Variants in ANAPC7 observed in about 807,000 individuals in gnomAD.
The protein encoded by ANAPC7 is anaphase-promoting complex subunit 7.
In ANAPC7, 25 loss-of-function variants were observed where a neutral mutation model predicts 63.3. The ratio of observed to expected loss-of-function variants is 0.39; its 90% CI spans 0.29 to 0.55. ANAPC7 has a LOEUF of 0.55. ANAPC7 is among the 20% of genes least tolerant of loss of function. The pLI, the probability that ANAPC7 is intolerant of heterozygous loss-of-function variation, is 0.57. For synonymous variants in ANAPC7, 241 were observed against 251.7 expected (o/e 0.96, Z 0.40); for missense variants, 516 against 691.7 (o/e 0.75, Z 2.85).
chr12:110,394,401 C>CG (rs1189186155), intron 3 of ANAPC7, among the ~76,000 whole-genome samples: 4 of 151,198 alleles, frequency 2.6e-5, no homozygotes, highest in African/African-American at 4.9e-5. Context: ...CCGAGGTGGG[C>CG]GGATCACCTG....
At chr12:110,397,480 G>C (rs1202435548) in intron 1 of ANAPC7, among the ~76,000 whole-genome samples, 2 of 150,892 alleles carry the variant, frequency 1.3e-5, no homozygotes, top group African/African-American at 4.9e-5. Context: ...TTTAACCTAG[G>C]AGGTGGAGGT....
At chr12:110,384,763 G>T (rs1050798380) in intron 6 of ANAPC7, among the ~76,000 whole-genome samples, 1 of 152,068 alleles carries the variant, frequency 6.6e-6, no homozygotes, top group Non-Finnish European at 1.5e-5. Context: ...CTATTTTCAG[G>T]AAGTGCTTGT....
At chr12:110,402,263 G>A (rs2062241823) in intron 1 of ANAPC7, among the ~76,000 whole-genome samples, 1 of 152,092 alleles carries the variant, frequency 6.6e-6, no homozygotes, top group Non-Finnish European at 1.5e-5. Flanking sequence ...AGATGAAGTC[G>A]CAGAGAGTGG....
chr12:110,396,618 C>G, intron 1 of ANAPC7, 166 bp from the exon 2 acceptor site: 1 of 496,336 alleles, frequency 2.0e-6, no homozygotes, highest in Non-Finnish European at 3.5e-6. Context: ...TCAAGTGATT[C>G]TCCTTCCTCA....
chr12:110,401,099 G>GGCA (rs572547468), intron 1 of ANAPC7, among the ~76,000 whole-genome samples: 26 of 152,106 alleles, frequency 1.7e-4, no homozygotes, highest in African/African-American at 6.0e-4. Flanking sequence ...AAATCCAATG[G>GGCA]GCAGCAGCAG....
At chr12:110,385,363 C>G (rs986488531) in intron 6 of ANAPC7, among the ~76,000 whole-genome samples, 12 of 152,224 alleles carry the variant, frequency 7.9e-5, no homozygotes, top group African/African-American at 2.9e-4. Context: ...TTACCCATCT[C>G]TTGCCACCAT....
chr12:110,403,381 C>T (rs148387490), intron 1 of ANAPC7, 146 bp downstream of exon 1: 2 of 848,270 alleles, frequency 2.4e-6, no homozygotes, highest in African/African-American at 1.7e-5. Flanking sequence ...AAGTCTGCTC[C>T]GCTCCAGGAC....
At chr12:110,379,394 C>G (rs778912289) in intron 8 of ANAPC7, among the ~76,000 whole-genome samples, 2 of 152,216 alleles carry the variant, frequency 1.3e-5, no homozygotes, top group African/African-American at 2.4e-5. Flanking sequence ...CAAATGGCAG[C>G]TTAAGAAGCC....
chr12:110,394,079 G>C (rs1883343801), intron 3 of ANAPC7, among the ~76,000 whole-genome samples: 1 of 151,574 alleles, frequency 6.6e-6, no homozygotes, highest in South Asian at 2.1e-4. Flanking sequence ...AGGAGGCTGA[G>C]GCAGGAGAAT....
In ANAPC7 at chr12:110,388,601, AG is replaced by A. The variant is rs1165316781; in HGVS notation, c.430del (p.Leu144CysfsTer19). Reference protein sequence around the residue: ...TPKINMMLANLYKKAGQERPS... With the variant: ...TPKINMMLANXYKKAGQERPS... ...GCGCTCCTGACCAGCCTTCTTGTACAGGTTTGCCAGCATCATGTTTATCTGT... is the reference window on the plus strand; with the variant it reads ...GCGCTCCTGACCAGCCTTCTTGTACAGTTTGCCAGCATCATGTTTATCTGT... On this transcript the variant is annotated frameshift_variant, in exon 4 of 11. Coordinates refer to ENST00000455511, the MANE Select transcript of ANAPC7 (RefSeq NM_016238.3). LOFTEE classifies it high-confidence loss of function. The A allele has an allele frequency of 1.2e-6, 2 of 1,614,028 alleles. No homozygotes were observed. The highest frequency in any genetic ancestry group is 1.7e-6 in the Non-Finnish European group (2 of 1,179,996).
intron 10 of ANAPC7, among the ~76,000 whole-genome samples, chr12:110,375,143 G>C (rs573421593): frequency 5.9e-5 from 9 of 152,168 alleles, no homozygotes; most frequent in Non-Finnish European, 1.0e-4. Flanking sequence ...AATGCGGACC[G>C]ATCTGTAACA....
chr12:110,373,146 C>G lies in ANAPC7; in HGVS notation c.*998G>C, dbSNP rs576097591. ...AGAGGGTGTGGGAAGAAACTCCCAG[C>G]CCCAGAGCTCAGGGTGTGATACTCA... is the stretch of plus-strand genomic sequence containing the variant. On this transcript the variant is annotated 3_prime_UTR_variant, in exon 11 of 11. Transcript: ENST00000455511. The G allele has an allele frequency of 1.3e-5, 2 of 152,250 alleles. No individual in the cohort carries two copies. Among genetic ancestry groups the G allele is most frequent in the African/African-American group, 4.8e-5 (2 of 41,524 alleles). The allele number at this position is 152,250 out of a possible 1,614,324, so 9.4% of individuals were successfully genotyped here.
In ANAPC7 at chr12:110,377,935, T is replaced by A. The variant is rs1398756525; in HGVS notation, c.1133-318A>T. ...ACTGGAAGAATAAATGCGACACTAA[T>A]GATTAGTCTGTCATATGGCCAAGAG... is the stretch of plus-strand genomic sequence containing the variant. On this transcript the variant is annotated intron_variant, in intron 8 of 10. Transcript: ENST00000455511. 8 of 653,414 alleles carry A rather than the reference T, an allele frequency of 1.2e-5. No homozygotes were observed. The African/African-American group carries it at 1.3e-4, about 11-fold the overall frequency. The allele number at this position is 653,414 out of a possible 1,614,324, so 40.5% of individuals were successfully genotyped here. A position where few individuals can be genotyped will look rare whatever the true frequency, so the allele number is the denominator to read the frequency against.
chr12:110,394,102 G>A (rs1255836532), intron 3 of ANAPC7, among the ~76,000 whole-genome samples: 2 of 151,734 alleles, frequency 1.3e-5, no homozygotes, highest in African/African-American at 4.8e-5. Context: ...CTTGAACCCG[G>A]GAGGTGGTGG....
rs925280899 is a variant in ANAPC7 at position 110,377,929 on chromosome 12, C to T, written c.1133-312G>A. On this transcript the variant is annotated intron_variant, in intron 8 of 10. Transcript: ENST00000455511. The stretch of plus-strand genomic sequence containing the variant: ...CTGACCACTGGAAGAATAAATGCGA[C>T]ACTAATGATTAGTCTGTCATATGGC... 5.8e-6 allele frequency: 4 copies of T among 693,266 alleles called. No homozygotes were observed. The Admixed American group carries it at 1.1e-4, about 19-fold the overall frequency. 42.9% of individuals were successfully genotyped at this position (693,266 alleles called of 1,614,324 possible).
chr12:110,396,685 T>TTG (rs1470952235), intron 1 of ANAPC7, among the ~76,000 whole-genome samples: 1 of 149,898 alleles, frequency 6.7e-6, no homozygotes, highest in African/African-American at 2.4e-5. Context: ...TAATTTTTGT[T>TTG]TTTTTTTTTA....
At chr12:110,390,234 A>C (rs1044316906) in intron 3 of ANAPC7, among the ~76,000 whole-genome samples, 1 of 151,780 alleles carries the variant, frequency 6.6e-6, no homozygotes, top group Non-Finnish European at 1.5e-5. Flanking sequence ...ACGCCCAGCT[A>C]ATTTTTTTTT....
rs756628403 is a variant in ANAPC7, at chr12:110,396,301, A to G, written c.253T>C (p.Ser85Pro). ...ALSKTSKVRP[S>P]TGNSASTPQS... ...GGAGTAGATGCAGAATTTCCAGTTG[A>G]AGGTCTCACTTTTGAAGTTTTACTT... is the stretch of plus-strand genomic sequence containing the variant. The change falls in exon 2 of 11, where the codon TCA becomes CCA. Residue 85 changes from serine (S) to proline (P), a missense_variant. This residue lies in a region of ANAPC7 where 185 missense variants were observed against 200.3 expected (regional missense o/e 0.92). Transcript: ENST00000455511. 20 of 1,613,158 alleles carry G rather than the reference A, an allele frequency of 1.2e-5. No homozygotes were observed. The highest frequency in any genetic ancestry group is 1.7e-5 in the Non-Finnish European group (20 of 1,179,746).
At chr12:110,388,366 A>C (rs887657759) in intron 4 of ANAPC7, 146 bp downstream of exon 4, 2 of 639,276 alleles carry the variant, frequency 3.1e-6, no homozygotes, top group Admixed American at 3.0e-5. Flanking sequence ...TTCTTGATTG[A>C]ATATGTGACA....
Sources: gnomAD v4.1 joint callset for allele counts (sites outside exome capture counted in the v4.1 genomes callset) on GRCh38, gnomAD v4.1.1 for gene constraint, gnomAD v4.1.1 regional missense constraint, MANE v1.5 for transcripts, NCBI Gene and HGNC (gene_info 2026-07-23, HGNC 2026-07-21) for gene names.